The following ATR variants were observed in gnomAD, a reference collection of about 807,000 sequenced individuals.
The protein encoded by ATR is ATR checkpoint kinase.
Under a neutral mutation model 305.3 loss-of-function variants are expected in ATR, and 142 were observed. That is an observed-to-expected ratio of 0.47 (90% CI 0.41 to 0.53). The LOEUF is 0.53. Among genes scored for constraint, ATR ranks in the 20% least tolerant of loss-of-function variants. ATR has a pLI of 0.00. For synonymous variants in ATR, 1,050 were observed against 1,068.1 expected (o/e 0.98, Z 0.33); for missense variants, 2,135 against 3,133.1 (o/e 0.68, Z 7.60).
intron 36 of ATR, among the ~76,000 whole-genome samples, chr3:142,476,184 A>T (rs542060140): frequency 6.6e-6 from 1 of 152,268 alleles, no homozygotes; most frequent in African/African-American, 2.4e-5. Context: ...CTATGTCCCA[A>T]ATGGTATTGC....
At position 142,547,806 on chromosome 3, in the gene ATR, A is replaced by G; in HGVS notation, c.3276T>C (p.Asn1092=). The G allele has an allele frequency of 6.2e-7, 1 of 1,614,000 alleles. No homozygotes were observed. Among genetic ancestry groups the G allele is most frequent in the Non-Finnish European group, 8.5e-7 (1 of 1,179,932 alleles). ...CAAATGAGGCAAGTATTGACAAACC[A>G]TTAAAAACCTGTTGATAGTGTTCTC... ...RIGEHYQQVF[N]GLSILASFAS... Residue 1092 remains asparagine (N), a synonymous_variant, in exon 16 of 47, where the codon AAT becomes AAC. Transcript: ENST00000350721.
intron 25 of ATR, 108 bp from the exon 26 acceptor site, chr3:142,513,746 T>C (rs1278637307): frequency 4.2e-6 from 5 of 1,198,498 alleles, no homozygotes; most frequent in Non-Finnish European, 5.7e-6. Flanking sequence ...TTTTTAAATT[T>C]AAAAAGTTTT....
intron 1 of ATR, among the ~76,000 whole-genome samples, chr3:142,577,090 T>C (rs1166609975): frequency 1.3e-5 from 2 of 152,216 alleles, no homozygotes; most frequent in Non-Finnish European, 2.9e-5. Flanking sequence ...ATGGATATAC[T>C]ATGAAAATTG....
chr3:142,493,209 G>A lies in ATR; in HGVS notation c.6001C>T (p.Arg2001Ter), dbSNP rs2031394526. The part of the protein sequence containing the change: ...PEGKNMLIHG[R>*]AMLLVGRFME... ...AATCGGCCCACTAGTAGCATAGCTC[G>A]ACCATGGATTAACATGTTCTTACCC... The change falls in exon 35 of 47, where the codon CGA becomes TGA. Residue 2001 changes from arginine (R) to a stop codon, truncating the protein, a stop_gained. Coordinates refer to ENST00000350721, the MANE Select transcript of ATR (RefSeq NM_001184.4). LOFTEE classifies it high-confidence loss of function. 2 of 1,613,424 alleles carry A rather than the reference G, an allele frequency of 1.2e-6. No homozygotes were observed. Among genetic ancestry groups the A allele is most frequent in the African/African-American group, 1.3e-5 (1 of 74,874 alleles).
intron 15 of ATR, 26 bp from the exon 16 acceptor site, chr3:142,547,936 AT>A: frequency 1.2e-6 from 2 of 1,608,544 alleles, no homozygotes; most frequent in Non-Finnish European, 1.7e-6. Context: ...GTTAAAAAAA[AT>A]TTTTTTCTTC....
intron 20 of ATR, among the ~76,000 whole-genome samples, 185 bp downstream of exon 20, chr3:142,535,923 T>C (rs2033841288): frequency 6.6e-6 from 1 of 152,162 alleles, no homozygotes; most frequent in Admixed American, 6.6e-5. Flanking sequence ...TTAATCTAAA[T>C]GCTAAAACTT....
intron 24 of ATR, among the ~76,000 whole-genome samples, chr3:142,517,114 A>G (rs1296972123): frequency 6.6e-6 from 1 of 151,442 alleles, no homozygotes; most frequent in Admixed American, 6.6e-5. Context: ...ATTTTGAATC[A>G]TCACGCGTAT....
chr3:142,453,086 G>A (rs773916881), intron 46 of ATR, 42 bp downstream of exon 46: 13 of 1,612,940 alleles, frequency 8.1e-6, no homozygotes, highest in Non-Finnish European at 1.1e-5. Context: ...CATTTGTAGA[G>A]ATGAGGACTA....
chr3:142,518,498 CAG>C (rs1227541742), intron 24 of ATR, among the ~76,000 whole-genome samples: 2 of 152,174 alleles, frequency 1.3e-5, no homozygotes, highest in African/African-American at 2.4e-5. Flanking sequence ...GCCTGGGCAA[CAG>C]AGTGAGACTC....
chr3:142,476,603 T>C (rs1443459735), intron 36 of ATR, among the ~76,000 whole-genome samples: 1 of 152,186 alleles, frequency 6.6e-6, no homozygotes, highest in Non-Finnish European at 1.5e-5. Flanking sequence ...ATATGAACTT[T>C]AAAGTAGTTT....
intron 16 of ATR, among the ~76,000 whole-genome samples, chr3:142,546,492 A>G (rs1162498208): frequency 6.6e-6 from 1 of 152,144 alleles, no homozygotes; most frequent in Admixed American, 6.6e-5. Context: ...GGCAGTCTGG[A>G]CTGAAATTTC....
In ATR at chr3:142,476,041, A is replaced by G. The variant is rs547480088; in HGVS notation, c.6222-5858T>C. Among the ~76,000 whole-genome samples, 637 of 152,118 alleles carry G rather than the reference A, an allele frequency of 4.2e-3. 12 individuals carry two copies. The highest frequency in any genetic ancestry group is 0.015 in the African/African-American group (612 of 41,502). ...TGCAAAAATTTTCTCCCATTCTGTA[A>G]GTTGCCTGTTCACTCTGATGGTAGT... On this transcript the variant is annotated intron_variant, in intron 36 of 46. Coordinates refer to ENST00000350721, the MANE Select transcript of ATR (RefSeq NM_001184.4).
intron 38 of ATR, among the ~76,000 whole-genome samples, chr3:142,468,481 T>C (rs796503694): frequency 1.2e-4 from 19 of 152,222 alleles, no homozygotes; most frequent in African/African-American, 4.6e-4. Flanking sequence ...AAATATGAAA[T>C]TGTACGGCAA....
intron 36 of ATR, among the ~76,000 whole-genome samples, chr3:142,479,610 A>G (rs1030353783): frequency 4.6e-5 from 7 of 151,982 alleles, no homozygotes; most frequent in African/African-American, 1.7e-4. Context: ...CGTTCTCTGT[A>G]TTTCCTGAAT....
At chr3:142,564,661 C>T (rs944182427) in intron 3 of ATR, among the ~76,000 whole-genome samples, 4 of 152,110 alleles carry the variant, frequency 2.6e-5, no homozygotes, top group Non-Finnish European at 2.9e-5. Context: ...TATCATGACC[C>T]AGTACATATA....
intron 24 of ATR, among the ~76,000 whole-genome samples, chr3:142,519,382 A>G (rs1354099435): frequency 6.6e-6 from 1 of 151,860 alleles, no homozygotes; most frequent in Non-Finnish European, 1.5e-5. Flanking sequence ...GCTCACTGCA[A>G]CCTCTGCCTC....
intron 39 of ATR, among the ~76,000 whole-genome samples, chr3:142,467,345 G>A (rs993867500): frequency 3.3e-5 from 5 of 151,996 alleles, no homozygotes; most frequent in Admixed American, 6.6e-5. Context: ...CAAATCTACC[G>A]AAAAAAGTAC....
chr3:142,563,974 A>G (rs1256587020), intron 3 of ATR, among the ~76,000 whole-genome samples: 1 of 152,202 alleles, frequency 6.6e-6, no homozygotes, highest in East Asian at 1.9e-4. Context: ...TAGGAAAAAA[A>G]GAAGATCAAA....
At chr3:142,573,593 C>T (rs943639985) in intron 1 of ATR, among the ~76,000 whole-genome samples, 3 of 150,504 alleles carry the variant, frequency 2.0e-5, no homozygotes, top group African/African-American at 4.9e-5. Context: ...TTTAAATCAG[C>T]GCTGGCCAAT....
Sources: gnomAD v4.1 joint callset for allele counts (sites outside exome capture counted in the v4.1 genomes callset) on GRCh38, gnomAD v4.1.1 for gene constraint, MANE v1.5 for transcripts, NCBI Gene and HGNC (gene_info 2026-07-23, HGNC 2026-07-21) for gene names.